The following PDE7A variants were observed in gnomAD, a reference collection of about 807,000 sequenced individuals.
PDE7A encodes high affinity 3',5'-cyclic-AMP phosphodiesterase 7A.
Under a neutral mutation model 64.3 loss-of-function variants are expected in PDE7A, and 39 were observed. That is an observed-to-expected ratio of 0.61 (90% CI 0.47 to 0.79). PDE7A has a LOEUF of 0.79. Among genes scored for constraint, PDE7A ranks in the 30% least tolerant of loss-of-function variants. The probability of loss-of-function intolerance (pLI) is 0.00; values close to 1 mark genes in which losing one functional copy is unlikely to be tolerated. For synonymous variants in PDE7A, 203 were observed against 206.8 expected, an observed-to-expected ratio of 0.98 and a Z score of 0.16; for missense variants, 470 against 582.8, an observed-to-expected ratio of 0.81 and a Z score of 1.99.
rs1806109189 is a variant in PDE7A, at chr8:65,715,774, A to G, written c.*3516T>C. 1.3e-5 allele frequency among the ~76,000 whole-genome samples: 2 copies of G among 148,500 alleles called. No homozygotes were observed. The highest frequency in any genetic ancestry group is 2.4e-5 in the African/African-American group (1 of 40,848). Reference sequence around the variant, plus strand: ...GCCGAGGCGGGCGGATCACGAGGTCAGGAGATTGAGACCATCCTGGCTAAC... The same window carrying G: ...GCCGAGGCGGGCGGATCACGAGGTCGGGAGATTGAGACCATCCTGGCTAAC... On this transcript the variant is annotated 3_prime_UTR_variant, in exon 13 of 13. Coordinates refer to ENST00000401827, the MANE Select transcript of PDE7A (RefSeq NM_001242318.3).
chr8:65,759,261 G>A (rs1401070593), intron 3 of PDE7A, among the ~76,000 whole-genome samples: 1 of 152,320 alleles, frequency 6.6e-6, no homozygotes, highest in East Asian at 1.9e-4. Context: ...GCTCCAAAAT[G>A]GGGGTGAGGG....
At chr8:65,793,283 C>G (rs549377545) in intron 1 of PDE7A, among the ~76,000 whole-genome samples, 1 of 152,222 alleles carries the variant, frequency 6.6e-6, no homozygotes, top group Non-Finnish European at 1.5e-5. Flanking sequence ...AGTTTATTTA[C>G]TGGCATGTAG....
chr8:65,800,182 G>A (rs117577254), intron 1 of PDE7A, among the ~76,000 whole-genome samples: 2,620 of 152,274 alleles, frequency 0.017, 34 homozygotes, highest in Middle Eastern at 0.041. Flanking sequence ...CAGATCCACT[G>A]GCACCTGGAG....
intron 3 of PDE7A, 40 bp downstream of exon 3, chr8:65,779,680 T>C: frequency 1.0e-6 from 1 of 983,094 alleles, no homozygotes; most frequent in Non-Finnish European, 1.6e-6. Context: ...TTAAAATTTG[T>C]AGTGAAAATC....
At chr8:65,803,039 C>T (rs2128928380) in intron 1 of PDE7A, among the ~76,000 whole-genome samples, 1 of 152,348 alleles carries the variant, frequency 6.6e-6, no homozygotes, top group South Asian at 2.1e-4. Flanking sequence ...CCTGAGGCTT[C>T]ACCAGAAGCC....
intron 2 of PDE7A, among the ~76,000 whole-genome samples, chr8:65,781,389 G>A (rs966177354): frequency 1.3e-5 from 2 of 152,102 alleles, no homozygotes; most frequent in African/African-American, 4.8e-5. Flanking sequence ...GGACCTTTGT[G>A]GCCATCAGAG....
At chr8:65,799,949 G>A (rs980109379) in intron 1 of PDE7A, among the ~76,000 whole-genome samples, 1 of 152,152 alleles carries the variant, frequency 6.6e-6, no homozygotes, top group African/African-American at 2.4e-5. Context: ...CCCTTTTTTA[G>A]GGACTCACAA....
At chr8:65,731,360 T>C (rs1339168416) in intron 7 of PDE7A, among the ~76,000 whole-genome samples, 1 of 152,154 alleles carries the variant, frequency 6.6e-6, no homozygotes, top group African/African-American at 2.4e-5. Flanking sequence ...CAGGGACAAG[T>C]AGAGCAAGGT....
intron 7 of PDE7A, among the ~76,000 whole-genome samples, chr8:65,730,174 T>A: frequency 5.1e-5 from 1 of 19,418 alleles, no homozygotes. Flanking sequence ...CGCACTTCTT[T>A]TTTTTTTTTT....
chr8:65,816,063 C>A (rs1438707581), intron 1 of PDE7A, among the ~76,000 whole-genome samples: 1 of 151,342 alleles, frequency 6.6e-6, no homozygotes, highest in Non-Finnish European at 1.5e-5. Flanking sequence ...TTTCATTTAA[C>A]ACATGTTATT....
chr8:65,717,333 G>A lies in PDE7A; in HGVS notation c.*1957C>T, dbSNP rs992799281. Reference sequence around the variant, plus strand: ...TTACAACTGATATCAATCAAGTAGAGTGGAGTGGCCTTTTCTTATCACTTT... The same window carrying A: ...TTACAACTGATATCAATCAAGTAGAATGGAGTGGCCTTTTCTTATCACTTT... On this transcript the variant is annotated 3_prime_UTR_variant, in exon 13 of 13. Coordinates refer to ENST00000401827, the MANE Select transcript of PDE7A (RefSeq NM_001242318.3). 6.6e-6 allele frequency among the ~76,000 whole-genome samples: 1 copy of A among 152,236 alleles called. No individual in the cohort carries two copies. The highest frequency in any genetic ancestry group is 2.4e-5 in the African/African-American group (1 of 41,468).
chr8:65,741,488 T>G (rs1265382666), intron 5 of PDE7A, among the ~76,000 whole-genome samples: 1 of 152,214 alleles, frequency 6.6e-6, no homozygotes, highest in Non-Finnish European at 1.5e-5. Flanking sequence ...TGGAGCATTA[T>G]TTGCATAAGC....
chr8:65,827,912 A>G (rs991150350), intron 1 of PDE7A, among the ~76,000 whole-genome samples: 1 of 152,162 alleles, frequency 6.6e-6, no homozygotes, highest in Non-Finnish European at 1.5e-5. Flanking sequence ...CTTTCATTTT[A>G]ACAGACTATA....
chr8:65,736,747 A>G (rs961543449), intron 6 of PDE7A, among the ~76,000 whole-genome samples: 1 of 151,290 alleles, frequency 6.6e-6, no homozygotes, highest in African/African-American at 2.4e-5. Flanking sequence ...AAGACTCTCC[A>G]AAAGAAAAAG....
intron 3 of PDE7A, among the ~76,000 whole-genome samples, chr8:65,778,339 G>C (rs778944571): frequency 2.0e-5 from 3 of 152,162 alleles, no homozygotes; most frequent in Non-Finnish European, 4.4e-5. Flanking sequence ...TTTATGGAGA[G>C]AGAAAAATGT....
At chr8:65,811,764 A>T (rs1284548673) in intron 1 of PDE7A, among the ~76,000 whole-genome samples, 1 of 152,250 alleles carries the variant, frequency 6.6e-6, no homozygotes, top group Non-Finnish European at 1.5e-5. Flanking sequence ...TCGACAAATG[A>T]TAGATTCTTC....
chr8:65,789,053 T>G, intron 1 of PDE7A: 1 of 1,492,844 alleles, frequency 6.7e-7, no homozygotes, highest in Non-Finnish European at 9.0e-7. Context: ...GAGGGGACAC[T>G]GACTGCCTTG....
chr8:65,734,153 AC>A (rs1276004849), intron 7 of PDE7A, among the ~76,000 whole-genome samples: 1 of 152,100 alleles, frequency 6.6e-6, no homozygotes, highest in Non-Finnish European at 1.5e-5. Flanking sequence ...TACAAGCCTT[AC>A]CCCCAAAACT....
chr8:65,753,806 A>G (rs1437869228), intron 3 of PDE7A, among the ~76,000 whole-genome samples: 1 of 152,216 alleles, frequency 6.6e-6, no homozygotes, highest in Non-Finnish European at 1.5e-5. Flanking sequence ...ATTGTTAGAT[A>G]TACGTATGTG....
Sources: allele counts gnomAD v4.1 joint callset (sites outside exome capture counted in the v4.1 genomes callset), GRCh38; gene constraint gnomAD v4.1.1; transcripts MANE v1.5; gene names NCBI Gene and HGNC (gene_info 2026-07-23, HGNC 2026-07-21).